The following SMYD3 variants were observed in gnomAD, a reference collection of about 807,000 sequenced individuals.
SMYD3 encodes histone-lysine N-methyltransferase SMYD3.
In SMYD3, 36 loss-of-function variants were observed where a neutral mutation model predicts 57.7. The observed-to-expected ratio is 0.62, with a 90% CI of 0.48 to 0.82. SMYD3 has a LOEUF of 0.82. Among genes scored for constraint, SMYD3 ranks in the 40% least tolerant of loss-of-function variants. SMYD3 has a pLI of 0.00. For synonymous variants in SMYD3, 211 were observed against 195.0 expected (o/e 1.08, Z -0.68); for missense variants, 515 against 538.8 (o/e 0.96, Z 0.44).
intron 5 of SMYD3, among the ~76,000 whole-genome samples, chr1:246,036,874 T>C (rs2059785606): frequency 6.6e-6 from 1 of 152,070 alleles, no homozygotes. Context: ...TTTTATTTTA[T>C]TATCATCATT....
At chr1:246,463,269 G>A (rs888598687) in intron 1 of SMYD3, among the ~76,000 whole-genome samples, 1 of 152,154 alleles carries the variant, frequency 6.6e-6, no homozygotes, top group African/African-American at 2.4e-5. Flanking sequence ...GATGATAGCA[G>A]AGATACAGGG....
At chr1:245,783,098 G>A (rs1366558020) in intron 10 of SMYD3, among the ~76,000 whole-genome samples, 3 of 152,154 alleles carry the variant, frequency 2.0e-5, no homozygotes, top group Admixed American at 2.0e-4. Flanking sequence ...TAACTTCTGG[G>A]AAAATGCAGG....
intron 1 of SMYD3, among the ~76,000 whole-genome samples, chr1:246,497,879 AAAAAG>A (rs2068388923): frequency 1.3e-5 from 2 of 152,106 alleles, no homozygotes; most frequent in Admixed American, 6.5e-5. Context: ...GAGGAAAAAA[AAAAAG>A]AAAAGGAAAA....
chr1:246,058,786 T>G (rs1479865969), intron 5 of SMYD3, among the ~76,000 whole-genome samples: 2 of 152,104 alleles, frequency 1.3e-5, no homozygotes, highest in African/African-American at 4.8e-5. Context: ...CAAAATTAAA[T>G]AGTATAGAAG....
At chr1:246,150,148 T>A (rs1327829712) in intron 5 of SMYD3, among the ~76,000 whole-genome samples, 1 of 152,250 alleles carries the variant, frequency 6.6e-6, no homozygotes, top group Non-Finnish European at 1.5e-5. Context: ...CTCTTAAGTC[T>A]CAGAAGAAAA....
chr1:245,790,565 G>A lies in SMYD3; in HGVS notation c.1077-26416C>T, dbSNP rs546964338. Among the ~76,000 whole-genome samples the A allele has an allele frequency of 2.6e-5, 4 of 152,320 alleles. No homozygotes were observed. The East Asian group carries it at 7.7e-4, about 29-fold the overall frequency. Reference sequence around the variant, plus strand: ...CACACAGTCAGCACCTAAAAAATGTGGATGCTTTTAGAAAAGACAGAGTCA... The same window carrying A: ...CACACAGTCAGCACCTAAAAAATGTAGATGCTTTTAGAAAAGACAGAGTCA... On this transcript the variant is annotated intron_variant, in intron 10 of 11. Coordinates refer to ENST00000490107, the MANE Select transcript of SMYD3 (RefSeq NM_001167740.2).
chr1:245,914,821 T>C (rs899388053), intron 8 of SMYD3, among the ~76,000 whole-genome samples: 2 of 152,124 alleles, frequency 1.3e-5, no homozygotes, highest in African/African-American at 4.8e-5. Flanking sequence ...ATACTACACA[T>C]AGTATACACA....
intron 10 of SMYD3, among the ~76,000 whole-genome samples, chr1:245,770,892 A>C (rs1472805020): frequency 1.3e-5 from 2 of 152,220 alleles, no homozygotes; most frequent in African/African-American, 4.8e-5. Flanking sequence ...AGAGCTGAGG[A>C]AAGAATTAGT....
chr1:245,875,099 T>C (rs936485413), intron 8 of SMYD3, among the ~76,000 whole-genome samples: 1 of 152,200 alleles, frequency 6.6e-6, no homozygotes, highest in African/African-American at 2.4e-5. Context: ...AGAAAGCACA[T>C]GTCTGCATTT....
chr1:246,326,407 A>C (rs891168085), intron 5 of SMYD3: 1 of 693,776 alleles, frequency 1.4e-6, no homozygotes, highest in Non-Finnish European at 2.6e-6. Flanking sequence ...TAGTGAAGAA[A>C]AAAAAAAATC....
At chr1:246,464,308 G>C (rs151244088) in intron 1 of SMYD3, among the ~76,000 whole-genome samples, 185 of 152,248 alleles carry the variant, frequency 1.2e-3, no homozygotes, top group Non-Finnish European at 1.5e-3. Flanking sequence ...TTGAGCTCAG[G>C]AGTTCAAGAC....
intron 5 of SMYD3, among the ~76,000 whole-genome samples, chr1:246,229,066 A>T (rs2063372073): frequency 2.0e-5 from 3 of 152,150 alleles, no homozygotes; most frequent in Admixed American, 1.3e-4. Context: ...AAGCTACACT[A>T]TTTGTTTCAC....
chr1:246,135,503 G>C (rs1286178813), intron 5 of SMYD3, among the ~76,000 whole-genome samples: 2 of 152,010 alleles, frequency 1.3e-5, no homozygotes, highest in African/African-American at 2.4e-5. Context: ...GTCATCTCAA[G>C]ATAAGTCCAT....
chr1:245,850,183 A>G (rs759873589), intron 10 of SMYD3, among the ~76,000 whole-genome samples: 6 of 152,172 alleles, frequency 3.9e-5, no homozygotes, highest in Admixed American at 2.6e-4. Flanking sequence ...AAAGCCACTA[A>G]CTTCATATTA....
At chr1:246,112,389 T>A (rs2061259413) in intron 5 of SMYD3, among the ~76,000 whole-genome samples, 1 of 152,238 alleles carries the variant, frequency 6.6e-6, no homozygotes, top group South Asian at 2.1e-4. Context: ...TAAGATATTC[T>A]TATAAATCGA....
chr1:246,339,492 T>C lies in SMYD3; in HGVS notation c.229-4018A>G, dbSNP rs372750415. Among the ~76,000 whole-genome samples, 22 of 148,076 alleles carry C rather than the reference T, an allele frequency of 1.5e-4. No homozygotes were observed. In the South Asian group the frequency reaches 4.2e-3, roughly 28 times the overall value. On this transcript the variant is annotated intron_variant, in intron 2 of 11. Coordinates refer to ENST00000490107, the MANE Select transcript of SMYD3 (RefSeq NM_001167740.2). Reference sequence around the variant, plus strand: ...GCAATAAAAATAGTTCTCACAAAAATGGGGAGTTGGGTCTGAAAAGAACTG... The same window carrying C: ...GCAATAAAAATAGTTCTCACAAAAACGGGGAGTTGGGTCTGAAAAGAACTG...
intron 1 of SMYD3, among the ~76,000 whole-genome samples, chr1:246,472,397 A>T (rs571339206): frequency 6.6e-6 from 1 of 152,258 alleles, no homozygotes; most frequent in African/African-American, 2.4e-5. Flanking sequence ...CTAGATTAGA[A>T]TTTTATTTTG....
At chr1:246,354,817 T>C (rs953209419) in intron 2 of SMYD3, among the ~76,000 whole-genome samples, 4 of 152,032 alleles carry the variant, frequency 2.6e-5, no homozygotes, top group Non-Finnish European at 5.9e-5. Flanking sequence ...AGTAGACATA[T>C]ACACACACAC....
At position 246,391,313 on chromosome 1, in the gene SMYD3, A is replaced by T. The variant is rs866113452; in HGVS notation, c.165-36219T>A. On this transcript the variant is annotated intron_variant, in intron 1 of 11. Coordinates refer to ENST00000490107, the MANE Select transcript of SMYD3 (RefSeq NM_001167740.2). ...GAGAACTGCTTGAGCCCAGGAGATA[A>T]AGGCTACGGTGAGCTTTGATTCCAC... is the stretch of plus-strand genomic sequence containing the variant. Among the ~76,000 whole-genome samples the T allele has an allele frequency of 2.2e-4, 34 of 151,506 alleles. No individual in the cohort carries two copies. The Middle Eastern group carries it at 0.01, about 45-fold the overall frequency.
Sources: allele counts gnomAD v4.1 joint callset (sites outside exome capture counted in the v4.1 genomes callset), GRCh38; gene constraint gnomAD v4.1.1; transcripts MANE v1.5; gene names NCBI Gene and HGNC (gene_info 2026-07-23, HGNC 2026-07-21).